Variants in DDX4 observed in about 807,000 individuals in gnomAD.
DDX4 encodes probable ATP-dependent RNA helicase DDX4.
Under a neutral mutation model 100.0 loss-of-function variants are expected in DDX4, and 25 were observed. The ratio of observed to expected loss-of-function variants is 0.25; its 90% CI spans 0.18 to 0.35. DDX4 has a LOEUF of 0.35. DDX4 is among the 10% of genes least tolerant of loss of function. The pLI is 1.00. For missense variants in DDX4, 635 were observed against 882.4 expected, an observed-to-expected ratio of 0.72 and a Z score of 3.55; for synonymous variants, 259 against 275.7, an observed-to-expected ratio of 0.94 and a Z score of 0.60.
rs538609309 is a variant in DDX4 at position 55,787,502 on chromosome 5, G to C, written c.1018-344G>C. Among the ~76,000 whole-genome samples, 3 of 152,240 alleles carry C rather than the reference G, an allele frequency of 2.0e-5. No homozygotes were observed. In the East Asian group the frequency reaches 5.8e-4, roughly 29 times the overall value. ...ATGACCTCAAAAGGACTAACTTAGA[G>C]TAATTGTTCACTGTAATGATTTGCA... is the stretch of plus-strand genomic sequence containing the variant. On this transcript the variant is annotated intron_variant, in intron 14 of 21. Transcript: ENST00000505374.
At chr5:55,774,875 C>T (rs1014609196) in intron 7 of DDX4, among the ~76,000 whole-genome samples, 13 of 152,056 alleles carry the variant, frequency 8.5e-5, no homozygotes, top group East Asian at 1.9e-4. Flanking sequence ...ATATTTTGAG[C>T]TTTTTTGTGG....
At chr5:55,784,983 C>T (rs1394062764) in intron 10 of DDX4, among the ~76,000 whole-genome samples, 1 of 152,184 alleles carries the variant, frequency 6.6e-6, no homozygotes, top group Non-Finnish European at 1.5e-5. Flanking sequence ...CTAGCAACTA[C>T]TGAACTGGGA....
intron 3 of DDX4, among the ~76,000 whole-genome samples, chr5:55,755,081 G>GT (rs1287695168): frequency 1.3e-5 from 2 of 152,028 alleles, no homozygotes; most frequent in African/African-American, 4.8e-5. Flanking sequence ...TAACAACCTA[G>GT]TTTTTTCCAG....
At chr5:55,792,558 A>C in intron 16 of DDX4, 83 bp from the exon 17 acceptor site, 1 of 693,536 alleles carries the variant, frequency 1.4e-6, no homozygotes, top group Non-Finnish European at 2.0e-6. Context: ...TCTTAACAGT[A>C]TTTTAACAGT....
At chr5:55,814,782 G>A (rs1024293649) in intron 19 of DDX4, 119 bp from the exon 20 acceptor site, 71 of 1,148,600 alleles carry the variant, frequency 6.2e-5, no homozygotes, top group Non-Finnish European at 8.1e-5. Context: ...GAGCCACTGC[G>A]CCCAGCCAAA....
At chr5:55,766,865 A>C in intron 6 of DDX4, 1 of 1,501,204 alleles carries the variant, frequency 6.7e-7, no homozygotes, top group Non-Finnish European at 8.8e-7. Context: ...GCCTGATGTC[A>C]TAGTAATAAC....
intron 18 of DDX4, among the ~76,000 whole-genome samples, chr5:55,804,355 T>G (rs1310791016): frequency 6.6e-6 from 1 of 151,300 alleles, no homozygotes; most frequent in Non-Finnish European, 1.5e-5. Context: ...TTTTGGCTTT[T>G]GTTGCCATTG....
rs775462532 is a variant in DDX4, at chr5:55,790,718, G to A, written c.1302+13G>A. On this transcript the variant is annotated intron_variant, in intron 16 of 21. Coordinates refer to ENST00000505374, the MANE Select transcript of DDX4 (RefSeq NM_024415.3). ...AGGCAAAGAAAAGGTACGCCTTATA[G>A]GAATAATGAAGTTGTGAGATTGATA... 8.1e-6 allele frequency: 13 copies of A among 1,609,878 alleles called. No homozygotes were observed. The highest frequency in any genetic ancestry group is 1.1e-5 in the Non-Finnish European group (13 of 1,177,138).
At chr5:55,763,535 A>G (rs1740695423) in intron 5 of DDX4, among the ~76,000 whole-genome samples, 1 of 152,184 alleles carries the variant, frequency 6.6e-6, no homozygotes, top group Admixed American at 6.5e-5. Flanking sequence ...AATAAGTTTG[A>G]AAGCAAAACT....
At chr5:55,778,893 C>A (rs375277655) in intron 7 of DDX4, among the ~76,000 whole-genome samples, 37 of 147,290 alleles carry the variant, frequency 2.5e-4, no homozygotes, top group South Asian at 4.3e-4. Context: ...GACTTCGCCT[C>A]AAAAAAAAAA....
Position 55,815,051 on chromosome 5 carries a change from T to C in DDX4, c.1866T>C (p.Asp622=), listed in dbSNP as rs777227965. 1 of 1,614,216 alleles carries C rather than the reference T, an allele frequency of 6.2e-7. No homozygotes were observed. The highest frequency in any genetic ancestry group is 8.5e-7 in the Non-Finnish European group (1 of 1,180,012). Residue 622 remains aspartate, a synonymous_variant, in exon 20 of 22, where the codon GAT becomes GAC. Coordinates refer to ENST00000505374, the MANE Select transcript of DDX4 (RefSeq NM_024415.3). ...VINFDLPSTI[D]EYVHRIGRTG... is the part of the protein sequence containing the mutation. ...ATTTTGATCTTCCTTCTACCATTGA[T>C]GAATATGTTCATCGAATTGGGCGTA...
chr5:55,780,027 T>A lies in DDX4; in HGVS notation c.458T>A (p.Phe153Tyr). ...TACAGAAGAGGTGGAAGAGGTAGTT[T>A]CCGAGGTTGCCGTGGAGGATTTGGT... ...GPYRRGGRGS[F>Y]RGCRGGFGLG... Residue 153 changes from phenylalanine (F) to tyrosine (Y), a missense_variant, in exon 8 of 22, where the codon TTC (phenylalanine) becomes TAC (tyrosine). By Grantham distance (22) the Phe-to-Tyr change is conservative (BLOSUM62 3). Coordinates refer to ENST00000505374, the MANE Select transcript of DDX4 (RefSeq NM_024415.3). 6.2e-7 allele frequency: 1 copy of A among 1,614,050 alleles called. No homozygotes were observed. The highest frequency in any genetic ancestry group is 8.5e-7 in the Non-Finnish European group (1 of 1,179,960).
At chr5:55,767,671 A>G (rs1477212856) in intron 6 of DDX4, among the ~76,000 whole-genome samples, 1 of 152,198 alleles carries the variant, frequency 6.6e-6, no homozygotes, top group Non-Finnish European at 1.5e-5. Flanking sequence ...AACATTTAAT[A>G]TTTAGATACA....
chr5:55,816,178 T>C (rs773253636), intron 21 of DDX4, among the ~76,000 whole-genome samples: 3 of 152,210 alleles, frequency 2.0e-5, no homozygotes, highest in Non-Finnish European at 4.4e-5. Context: ...TAAATATTTA[T>C]GCTGATTCAT....
intron 17 of DDX4, among the ~76,000 whole-genome samples, chr5:55,794,879 A>G (rs1014320832): frequency 1.3e-5 from 2 of 151,636 alleles, no homozygotes; most frequent in South Asian, 4.2e-4. Context: ...GTTATGATAT[A>G]TCCGTTCCCT....
chr5:55,809,149 GC>G (rs1743952293), intron 18 of DDX4, among the ~76,000 whole-genome samples: 2 of 152,324 alleles, frequency 1.3e-5, no homozygotes, highest in South Asian at 4.1e-4. Flanking sequence ...TGTGCCCTTT[GC>G]TAAGACCATT....
chr5:55,782,363 C>T (rs951713773), intron 10 of DDX4: 16 of 182,418 alleles, frequency 8.8e-5, no homozygotes, highest in African/African-American at 1.4e-4. Flanking sequence ...CTAGCACTTT[C>T]GGAGGCCTAG....
At position 55,785,761 on chromosome 5, in the gene DDX4, C is replaced by T; in HGVS notation, c.754C>T (p.Pro252Ser). 1.2e-6 allele frequency: 2 copies of T among 1,611,736 alleles called. No individual in the cohort carries two copies. The highest frequency in any genetic ancestry group is 1.7e-6 in the Non-Finnish European group (2 of 1,177,876). The change falls in exon 13 of 22, where the codon CCT becomes TCT. Residue 252 changes from proline (P) to serine (S), a missense_variant. Coordinates refer to ENST00000505374, the MANE Select transcript of DDX4 (RefSeq NM_024415.3). ...AGTGACCTACATACCCCCTCCTCCA[C>T]CTGAGGATGAGGACTCCATCTTTGC... is the stretch of plus-strand genomic sequence containing the variant. Reference protein sequence around the residue: ...PKVTYIPPPPPEDEDSIFAHY... With the variant: ...PKVTYIPPPPSEDEDSIFAHY...
chr5:55,803,812 C>T (rs947020493), intron 18 of DDX4, among the ~76,000 whole-genome samples: 1 of 152,032 alleles, frequency 6.6e-6, no homozygotes, highest in African/African-American at 2.4e-5. Context: ...TTTATAGCAG[C>T]ATGATTTATA....
Sources: allele counts gnomAD v4.1 joint callset (sites outside exome capture counted in the v4.1 genomes callset), GRCh38; gene constraint gnomAD v4.1.1; transcripts MANE v1.5; gene names NCBI Gene and HGNC (gene_info 2026-07-23, HGNC 2026-07-21).